The following DNMT3A variants were observed in gnomAD, a reference collection of about 807,000 sequenced individuals.
The protein encoded by DNMT3A is DNA methyltransferase 3 alpha.
DNMT3A carries 267 observed loss-of-function variants against 117.6 expected under a neutral mutation model. That is an observed-to-expected ratio of 2.27 (90% confidence interval 2.05 to 2.51). The LOEUF is 2.51. DNMT3A is among the 30% of genes most tolerant of loss of function. The pLI is 0.00. For synonymous variants in DNMT3A, 432 were observed against 474.8 expected, an observed-to-expected ratio of 0.91 and a Z score of 1.17; for missense variants, 1,029 against 1,260.2, an observed-to-expected ratio of 0.82 and a Z score of 2.78.
At chr2:25,303,718 T>C (rs1044921005) in intron 2 of DNMT3A, among the ~76,000 whole-genome samples, 12 of 152,214 alleles carry the variant, frequency 7.9e-5, no homozygotes, top group African/African-American at 2.9e-4. Context: ...GTGAAAAGCA[T>C]GTTCTCTTCT....
intron 6 of DNMT3A, among the ~76,000 whole-genome samples, chr2:25,261,080 G>A (rs1676560168): frequency 6.6e-6 from 1 of 152,084 alleles, no homozygotes; most frequent in Non-Finnish European, 1.5e-5. Context: ...GATCACTTGA[G>A]GTCAGGAGTT....
At position 25,252,394 on chromosome 2, in the gene DNMT3A, C is replaced by G. The variant is rs1418089645; in HGVS notation, c.640-4142G>C. 3 of 557,162 alleles carry G rather than the reference C, an allele frequency of 5.4e-6. No homozygotes were observed. In the African/African-American group the frequency reaches 6.0e-5, roughly 11 times the overall value. 34.5% of individuals were successfully genotyped at this position (557,162 alleles called of 1,614,324 possible). A position where few individuals can be genotyped will look rare whatever the true frequency, so the allele number is the denominator to read the frequency against. ...GTCTAGGACTCCAGGTCACGTGGGC[C>G]CCGCTGGAGGGCCTGGTTGGCTGCG... On this transcript the variant is annotated intron_variant, in intron 6 of 22. Coordinates refer to ENST00000321117, the MANE Select transcript of DNMT3A (RefSeq NM_022552.5). The surrounding 1 kb of genome is among the most constrained non-coding windows in gnomAD (Gnocchi z 5.5).
At chr2:25,256,476 A>C (rs1018942105) in intron 6 of DNMT3A, among the ~76,000 whole-genome samples, 6 of 152,154 alleles carry the variant, frequency 3.9e-5, no homozygotes, top group Admixed American at 1.3e-4. Flanking sequence ...CCAGGATGGC[A>C]GTTACTGGCT....
rs1491509599 is a variant in DNMT3A, at chr2:25,300,712, A to AT, written c.73-470_73-469insA. ...ATATATTTATATATCTAAATAATAT[A>AT]ATATATATATATATATATATATATA... On this transcript the variant is annotated intron_variant, in intron 2 of 22. Transcript: ENST00000321117. Among the ~76,000 whole-genome samples, 17 of 18,922 alleles carry AT rather than the reference A, an allele frequency of 9.0e-4. 1 individual carries two copies. The highest frequency in any genetic ancestry group is 2.1e-3 in the African/African-American group (12 of 5,816). 12.4% of individuals were successfully genotyped at this position (18,922 alleles called of 152,430 possible).
intron 2 of DNMT3A, among the ~76,000 whole-genome samples, chr2:25,300,476 T>G (rs1326766765): frequency 6.7e-6 from 1 of 150,084 alleles, no homozygotes; most frequent in East Asian, 2.0e-4. Flanking sequence ...GCACCGTGGC[T>G]CATGCCTGTA....
chr2:25,312,727 C>G (rs2034187409), intron 2 of DNMT3A, among the ~76,000 whole-genome samples: 1 of 152,180 alleles, frequency 6.6e-6, no homozygotes, highest in African/African-American at 2.4e-5. Context: ...AACTAGGAAA[C>G]AGAAACACAC....
chr2:25,273,572 C>T (rs1490956123), intron 6 of DNMT3A, among the ~76,000 whole-genome samples: 1 of 152,200 alleles, frequency 6.6e-6, no homozygotes, highest in Non-Finnish European at 1.5e-5. Flanking sequence ...CCACCCACTT[C>T]TCTTTGTACC....
Position 25,241,704 on chromosome 2 carries a change from A to C in DNMT3A, c.1940T>G (p.Leu647Arg), listed in dbSNP as rs781742148. 4 of 1,613,528 alleles carry C rather than the reference A, an allele frequency of 2.5e-6. No individual in the cohort carries two copies. The highest frequency in any genetic ancestry group is 1.3e-5 in the African/African-American group (1 of 74,900). ...LSLFDGIATGLLVLKDLGIQV... is the reference protein window; with the variant it reads ...LSLFDGIATGRLVLKDLGIQV... ...AATGCCCAAGTCCTTCAGCACCAGG[A>C]GCCCTGCACCAGCCAGCAGACAGCA... The change falls in exon 17 of 23, where the codon CTC becomes CGC. Residue 647 changes from leucine to arginine, a missense_variant. Transcript: ENST00000321117.
intron 6 of DNMT3A, among the ~76,000 whole-genome samples, 183 bp downstream of exon 6, chr2:25,274,758 A>G (rs1458233268): frequency 6.6e-6 from 1 of 152,236 alleles, no homozygotes; most frequent in Non-Finnish European, 1.5e-5. Flanking sequence ...GTACACAGCC[A>G]GGTATACAGT....
chr2:25,264,132 G>GTTTCTTTT (rs2029957707), intron 6 of DNMT3A, among the ~76,000 whole-genome samples: 1 of 73,740 alleles, frequency 1.4e-5, no homozygotes, highest in South Asian at 6.6e-4. Context: ...CAACCCTTTG[G>GTTTCTTTT]TTTTTTTTTT....
chr2:25,338,790 G>A (rs2035306007), intron 1 of DNMT3A, among the ~76,000 whole-genome samples: 5 of 152,212 alleles, frequency 3.3e-5, no homozygotes, highest in Admixed American at 2.0e-4. Context: ...CCCTGGACAA[G>A]GATTTTACCG....
At position 25,341,886 on chromosome 2, in the gene DNMT3A, C is replaced by G; in HGVS notation, c.-238G>C. ...CGCCCTGGTGCCGCGGCGCCGCGTC[C>G]CGGCTCGTCCTCTGCTCTCGCCGCC... On this transcript the variant is annotated 5_prime_UTR_variant, in exon 1 of 23. Transcript: ENST00000321117. 2.0e-6 allele frequency: 2 copies of G among 980,190 alleles called. No individual in the cohort carries two copies. Among genetic ancestry groups the G allele is most frequent in the African/African-American group, 3.5e-5 (2 of 56,532 alleles). The allele number at this position is 980,190 out of a possible 1,614,324, so 60.7% of individuals were successfully genotyped here.
intron 6 of DNMT3A, among the ~76,000 whole-genome samples, chr2:25,266,409 C>T (rs2030350260): frequency 6.6e-6 from 1 of 152,192 alleles, no homozygotes; most frequent in Non-Finnish European, 1.5e-5. Flanking sequence ...TACTGGTCTA[C>T]TTTGCACTTC....
chr2:25,228,200 T>TAAAAAAA lies in DNMT3A; in HGVS notation c.*6072_*6078dup. 8.0e-4 allele frequency: 2 copies of TAAAAAAA among 2,506 alleles called. 1 individual carries two copies. The highest frequency in any genetic ancestry group is 1.4e-3 in the Non-Finnish European group (2 of 1,410). 0.2% of individuals were successfully genotyped at this position (2,506 alleles called of 1,614,324 possible). On this transcript the variant is annotated 3_prime_UTR_variant, in exon 23 of 23. Coordinates refer to ENST00000321117, the MANE Select transcript of DNMT3A (RefSeq NM_022552.5). ...TTGTCAATAAATAGAGAAGCAACCC[T>TAAAAAAA]AAAAAAAAAAAAAAAAAAAAAAAAA...
intron 1 of DNMT3A, 95 bp downstream of exon 1, chr2:25,341,731 C>G: frequency 2.3e-6 from 2 of 868,642 alleles, no homozygotes; most frequent in Non-Finnish European, 2.8e-6. Context: ...TGCCCCGAGC[C>G]GGGCACTGCC....
At chr2:25,292,065 G>T (rs2149394455) in intron 3 of DNMT3A, among the ~76,000 whole-genome samples, 1 of 152,254 alleles carries the variant, frequency 6.6e-6, no homozygotes, top group African/African-American at 2.4e-5. Flanking sequence ...GACCAGCCTG[G>T]CCAACATGGT....
rs1255067974 is a variant in DNMT3A at position 25,293,246 on chromosome 2, C to G, written c.177+6893G>C. Reference sequence around the variant, plus strand: ...AGGCTTGGCCAATTCTGCCCCGCCACTGCCACCCCCCACAGGCCCTGGGAC... The same window carrying G: ...AGGCTTGGCCAATTCTGCCCCGCCAGTGCCACCCCCCACAGGCCCTGGGAC... On this transcript the variant is annotated intron_variant, in intron 3 of 22. Transcript: ENST00000321117. The surrounding 1 kb of genome is among the most constrained non-coding windows in gnomAD (Gnocchi z 4.7). Among the ~76,000 whole-genome samples the G allele has an allele frequency of 6.6e-6, 1 of 152,186 alleles. No individual in the cohort carries two copies. The highest frequency in any genetic ancestry group is 2.4e-5 in the African/African-American group (1 of 41,456).
At chr2:25,317,931 C>T (rs6756718) in intron 1 of DNMT3A, among the ~76,000 whole-genome samples, 57,048 of 152,030 alleles carry the variant, frequency 0.38, 11,123 homozygotes, top group Non-Finnish European at 0.42. Flanking sequence ...GATGGGGTTT[C>T]TCCATGTTGG....
intron 16 of DNMT3A, 162 bp from the exon 17 acceptor site, chr2:25,241,869 A>C: frequency 1.1e-6 from 1 of 871,768 alleles, no homozygotes; most frequent in Non-Finnish European, 1.7e-6. Context: ...ATCCAACTGG[A>C]GTATCCATAG....
Sources: allele counts gnomAD v4.1 joint callset (sites outside exome capture counted in the v4.1 genomes callset), GRCh38; gene constraint gnomAD v4.1.1; non-coding constraint Gnocchi (gnomAD v3.1); transcripts MANE v1.5; gene names NCBI Gene and HGNC (gene_info 2026-07-23, HGNC 2026-07-21).